The following MAPK9 variants were observed in gnomAD, a reference collection of about 807,000 sequenced individuals.
The protein encoded by MAPK9 is Jun kinase.
Under a neutral mutation model 57.1 loss-of-function variants are expected in MAPK9, and 30 were observed. The ratio of observed to expected loss-of-function variants is 0.53; its 90% CI spans 0.39 to 0.71. The LOEUF is 0.71. Among genes scored for constraint, MAPK9 ranks in the 30% least tolerant of loss-of-function variants. The probability of loss-of-function intolerance (pLI) is 0.00; values close to 1 mark genes in which losing one functional copy is unlikely to be tolerated. For missense variants in MAPK9, 362 were observed against 521.0 expected, an observed-to-expected ratio of 0.69 and a Z score of 2.97; for synonymous variants, 155 against 177.0, an observed-to-expected ratio of 0.88 and a Z score of 0.99.
At chr5:180,238,462 T>G in intron 10 of MAPK9, 59 bp from the exon 11 acceptor site, 1 of 1,188,440 alleles carries the variant, frequency 8.4e-7, no homozygotes, top group Non-Finnish European at 1.2e-6. Context: ...TCACTGTATC[T>G]CTAAACTCTG....
chr5:180,282,690 T>C (rs942430207), intron 1 of MAPK9, among the ~76,000 whole-genome samples: 7 of 152,154 alleles, frequency 4.6e-5, no homozygotes, highest in African/African-American at 1.7e-4. Flanking sequence ...AGGCACCCAC[T>C]ACCACCTGCT....
chr5:180,288,993 G>A (rs919460163), intron 1 of MAPK9, among the ~76,000 whole-genome samples: 1 of 152,162 alleles, frequency 6.6e-6, no homozygotes, highest in Non-Finnish European at 1.5e-5. Context: ...AAAGTATCAG[G>A]AATTAATTAT....
chr5:180,248,909 C>T (rs781038351), intron 6 of MAPK9, 64 bp downstream of exon 6: 62 of 1,509,666 alleles, frequency 4.1e-5, no homozygotes, highest in Non-Finnish European at 5.5e-5. Context: ...AGAGAAAAAA[C>T]TCGAGACCAC....
Position 180,247,957 on chromosome 5 carries a change from T to C in MAPK9, c.617-447A>G, listed in dbSNP as rs767221517. On this transcript the variant is annotated intron_variant, in intron 6 of 11. Transcript: ENST00000452135. This position sits in a 1 kb window ranked among gnomAD's most constrained non-coding sequence, Gnocchi z 4.5. ...AAACACCAGGGGATTAAAAACCAGC[T>C]AGAGTCCCCCATCTTTTTTCTTCAA... 3.7e-6 allele frequency: 6 copies of C among 1,604,506 alleles called. No homozygotes were observed. In the East Asian group the frequency reaches 1.1e-4, roughly 30 times the overall value.
chr5:180,289,608 G>A (rs1026767018), intron 1 of MAPK9, among the ~76,000 whole-genome samples: 1 of 152,056 alleles, frequency 6.6e-6, no homozygotes, highest in Non-Finnish European at 1.5e-5. Context: ...CTGAGCTTCC[G>A]TTTCCACAGG....
chr5:180,283,053 G>A (rs554615150), intron 1 of MAPK9, among the ~76,000 whole-genome samples: 1 of 152,288 alleles, frequency 6.6e-6, no homozygotes, highest in African/African-American at 2.4e-5. Context: ...CCTCAGTCCT[G>A]AGGGCTGTGG....
intron 1 of MAPK9, among the ~76,000 whole-genome samples, chr5:180,287,638 A>G (rs1055318709): frequency 2.6e-5 from 4 of 152,132 alleles, no homozygotes; most frequent in African/African-American, 9.7e-5. Flanking sequence ...AAGCTGTTCC[A>G]TCTGCTTGAA....
intron 5 of MAPK9, among the ~76,000 whole-genome samples, chr5:180,254,890 T>C (rs35615294): frequency 6.6e-6 from 1 of 152,000 alleles, no homozygotes; most frequent in Non-Finnish European, 1.5e-5. Context: ...AAAAATTAGC[T>C]GGGCGTGGTG....
At chr5:180,238,608 C>CTTTTTTTTTTTTTTTTT (rs746336177) in intron 10 of MAPK9, among the ~76,000 whole-genome samples, 1 of 85,168 alleles carries the variant, frequency 1.2e-5, no homozygotes, top group Non-Finnish European at 2.3e-5. Context: ...TCTTCTTCTT[C>CTTTTTTTTTTTTTTTTT]TTTTTTTTTT....
intron 3 of MAPK9, 23 bp downstream of exon 3, chr5:180,269,257 G>T: frequency 1.2e-6 from 2 of 1,608,670 alleles, no homozygotes; most frequent in South Asian, 1.1e-5. Context: ...GAAGCACACA[G>T]ACAAAATACA....
At chr5:180,285,803 G>T (rs1229295759) in intron 1 of MAPK9, among the ~76,000 whole-genome samples, 1 of 151,958 alleles carries the variant, frequency 6.6e-6, no homozygotes, top group African/African-American at 2.4e-5. Context: ...ATCTGGCCGG[G>T]TGCGGTGGCT....
At chr5:180,240,378 C>T (rs1757545905) in intron 9 of MAPK9, among the ~76,000 whole-genome samples, 1 of 152,184 alleles carries the variant, frequency 6.6e-6, no homozygotes, top group South Asian at 2.1e-4. Flanking sequence ...GGGAGAACTC[C>T]CAAATCCAAT....
intron 5 of MAPK9, among the ~76,000 whole-genome samples, chr5:180,253,088 C>G (rs1355082246): frequency 6.6e-6 from 1 of 152,214 alleles, no homozygotes; most frequent in Non-Finnish European, 1.5e-5. Flanking sequence ...CCCTCTGTCC[C>G]TGCCAGGGCA....
intron 5 of MAPK9, among the ~76,000 whole-genome samples, chr5:180,258,613 C>T (rs1759553253): frequency 3.3e-5 from 5 of 152,078 alleles, no homozygotes; most frequent in African/African-American, 1.2e-4. Context: ...CCTTAGAAGA[C>T]ATGAAAGAAC....
In MAPK9 at chr5:180,282,750, C is replaced by T. The variant is rs577459240; in HGVS notation, c.-47-2142G>A. On this transcript the variant is annotated intron_variant, in intron 1 of 11. Transcript: ENST00000452135. ...CTATGCCGTCAACACACCAGCAACA[C>T]AGTTACTTGCAAGCATGTACTGAGC... Among the ~76,000 whole-genome samples, 9 of 152,352 alleles carry T rather than the reference C, an allele frequency of 5.9e-5. No individual in the cohort carries two copies. In the East Asian group the frequency reaches 9.6e-4, roughly 16 times the overall value.
chr5:180,288,423 G>C (rs1045197593), intron 1 of MAPK9, among the ~76,000 whole-genome samples: 15 of 152,124 alleles, frequency 9.9e-5, no homozygotes, highest in African/African-American at 3.6e-4. Context: ...AAATTCATGG[G>C]GCAGCTGGAA....
At chr5:180,283,036 C>T (rs1214415660) in intron 1 of MAPK9, among the ~76,000 whole-genome samples, 1 of 152,136 alleles carries the variant, frequency 6.6e-6, no homozygotes, top group Non-Finnish European at 1.5e-5. Context: ...CACGCAGAGC[C>T]GTCTGGCCTC....
At chr5:180,264,707 A>C (rs1029180326) in intron 4 of MAPK9, 74 bp downstream of exon 4, 2 of 1,380,448 alleles carry the variant, frequency 1.4e-6, no homozygotes, top group African/African-American at 3.0e-5. Context: ...CCTAAGTATA[A>C]AAAGCAGTTG....
At chr5:180,284,659 C>T (rs1299934934) in intron 1 of MAPK9, among the ~76,000 whole-genome samples, 7 of 152,206 alleles carry the variant, frequency 4.6e-5, no homozygotes, top group Admixed American at 1.3e-4. Flanking sequence ...CTGACAAATA[C>T]GTGTACAAGT....
Sources: gnomAD v4.1 joint callset for allele counts (sites outside exome capture counted in the v4.1 genomes callset) on GRCh38, gnomAD v4.1.1 for gene constraint, Gnocchi (gnomAD v3.1) non-coding constraint, MANE v1.5 for transcripts, NCBI Gene and HGNC (gene_info 2026-07-23, HGNC 2026-07-21) for gene names.